SLC24A1: variants seen among roughly 807,000 people sequenced by gnomAD.
SLC24A1 encodes the protein solute carrier family 24 member 1, also known as sodium/potassium/calcium exchanger 1.
In SLC24A1, 52 loss-of-function variants were observed where a neutral mutation model predicts 88.1. The ratio of observed to expected loss-of-function variants is 0.59; its 90% confidence interval spans 0.47 to 0.74. The LOEUF (loss-of-function observed/expected upper bound fraction) is 0.74. Among genes scored for constraint, SLC24A1 ranks in the 30% least tolerant of loss-of-function variants. The pLI, the probability that SLC24A1 is intolerant of heterozygous loss-of-function variation, is 0.00. For synonymous variants in SLC24A1, 455 were observed against 498.0 expected (o/e 0.91, Z 1.15); for missense variants, 1,173 against 1,363.3 (o/e 0.86, Z 2.20).
chr15:65,641,763 C>CA (rs2075138095), intron 4 of SLC24A1, among the ~76,000 whole-genome samples: 1 of 152,222 alleles, frequency 6.6e-6, no homozygotes, highest in Admixed American at 6.5e-5. Context: ...GAATCACTGA[C>CA]TCTAGCAAAG....
chr15:65,633,170 T>G (rs886643477), intron 2 of SLC24A1, among the ~76,000 whole-genome samples: 1 of 152,134 alleles, frequency 6.6e-6, no homozygotes, highest in African/African-American at 2.4e-5. Context: ...AATAAGAGAC[T>G]GTAGCCACCA....
chr15:65,649,849 T>C (rs1335805027), intron 6 of SLC24A1, among the ~76,000 whole-genome samples: 1 of 152,208 alleles, frequency 6.6e-6, no homozygotes, highest in Non-Finnish European at 1.5e-5. Context: ...AAACATTGTA[T>C]CTAAGACAAG....
chr15:65,634,023 T>A lies in SLC24A1; in HGVS notation c.1891-4105T>A, dbSNP rs542285643. Among the ~76,000 whole-genome samples, 5 of 152,018 alleles carry A rather than the reference T, an allele frequency of 3.3e-5. No homozygotes were observed. The South Asian group carries it at 1.0e-3, about 32-fold the overall frequency. ...GAAAGAGGTCTGACAGCTAATTGGG[T>A]GTGGGCTGTGAGGGAGAGGGAGGAA... On this transcript the variant is annotated intron_variant, in intron 2 of 9. Coordinates refer to ENST00000261892, the MANE Select transcript of SLC24A1 (RefSeq NM_004727.3).
At chr15:65,635,446 C>CAAAAAAAAAAAAAAA (rs56960432) in intron 2 of SLC24A1, among the ~76,000 whole-genome samples, 134 of 58,270 alleles carry the variant, frequency 2.3e-3, no homozygotes, top group African/African-American at 4.0e-3. Context: ...ACTCCGTCTC[C>CAAAAAAAAAAAAAAA]AAAAAAAAAA....
At chr15:65,643,017 T>C (rs1311349406) in intron 4 of SLC24A1, 1 of 1,289,370 alleles carries the variant, frequency 7.8e-7, no homozygotes, top group East Asian at 5.5e-5. Flanking sequence ...GTAGGACAGC[T>C]GCTCTCAACT....
At chr15:65,649,776 G>A (rs1490111965) in intron 6 of SLC24A1, among the ~76,000 whole-genome samples, 1 of 152,200 alleles carries the variant, frequency 6.6e-6, no homozygotes, top group East Asian at 1.9e-4. Flanking sequence ...AGGAGTTTTA[G>A]TAGACTCAGC....
chr15:65,648,043 G>A (rs1467942482), intron 6 of SLC24A1, among the ~76,000 whole-genome samples: 3 of 152,104 alleles, frequency 2.0e-5, no homozygotes, highest in Non-Finnish European at 4.4e-5. Context: ...GGCGGATCAC[G>A]AGCTCAGGAG....
At chr15:65,645,991 A>C (rs1278461831) in intron 6 of SLC24A1, among the ~76,000 whole-genome samples, 1 of 152,208 alleles carries the variant, frequency 6.6e-6, no homozygotes, top group African/African-American at 2.4e-5. Context: ...GTCAGCAACT[A>C]GGTGACAGTG....
At chr15:65,615,206 A>G (rs2074097979) in intron 2 of SLC24A1, among the ~76,000 whole-genome samples, 1 of 151,922 alleles carries the variant, frequency 6.6e-6, no homozygotes, top group African/African-American at 2.4e-5. Context: ...TCTTATCTCT[A>G]AAAACAAACA....
At chr15:65,660,331 C>A, downstream of SLC24A1, 1 of 1,532,674 alleles carries the variant, frequency 6.5e-7, no homozygotes, top group Non-Finnish European at 8.7e-7. Flanking sequence ...ATGGTGTGAA[C>A]TCAAAAGGTG....
At position 65,623,997 on chromosome 15, in the gene SLC24A1, T is replaced by A; in HGVS notation, c.-84T>A. 1 of 1,304,350 alleles carries A rather than the reference T, an allele frequency of 7.7e-7. No individual in the cohort carries two copies. Among genetic ancestry groups the A allele is most frequent in the Non-Finnish European group, 1.1e-6 (1 of 944,822 alleles). The allele number at this position is 1,304,350 out of a possible 1,614,324, so 80.8% of individuals were successfully genotyped here. On this transcript the variant is annotated 5_prime_UTR_variant, in exon 2 of 10. Coordinates refer to ENST00000261892, the MANE Select transcript of SLC24A1 (RefSeq NM_004727.3). ...GGCTGGGCTTCATGGAGAAATCTTC[T>A]CTGATCACCAACCTGAATCCCAGAG... is the stretch of plus-strand genomic sequence containing the variant.
At position 65,645,620 on chromosome 15, in the gene SLC24A1, C is replaced by A; in HGVS notation, c.2149C>A (p.Pro717Thr). The change falls in exon 6 of 10, where the codon CCA (proline) becomes ACA (threonine). Residue 717 changes from proline (P) to threonine (T), a missense_variant. Coordinates refer to ENST00000261892, the MANE Select transcript of SLC24A1 (RefSeq NM_004727.3). ...KAESKPEEEE[P>T]AKLPAVTVTP... ...ATGTTTATCCTTTAAAGAGGAGGAGCCAGCCAAGCTCCCTGCGGTCACGGT... is the reference window on the plus strand; with the variant it reads ...ATGTTTATCCTTTAAAGAGGAGGAGACAGCCAAGCTCCCTGCGGTCACGGT... 1 of 1,567,220 alleles carries A rather than the reference C, an allele frequency of 6.4e-7. No individual in the cohort carries two copies. Among genetic ancestry groups the A allele is most frequent in the Admixed American group, 1.9e-5 (1 of 52,976 alleles).
chr15:65,624,173 G>A lies in SLC24A1; in HGVS notation c.93G>A (p.Met31Ile), dbSNP rs2074416107. ...HWSRLLFLLG[M>I]LIIGSTYQHL... The stretch of plus-strand genomic sequence containing the variant: ...GTCGCCTCCTCTTCTTACTGGGAAT[G>A]TTGATCATCGGTTCTACTTATCAGC... Residue 31 changes from methionine (M) to isoleucine (I), a missense_variant, in exon 2 of 10, where the codon ATG becomes ATA. Transcript: ENST00000261892. 11 of 1,613,886 alleles carry A rather than the reference G, an allele frequency of 6.8e-6. No homozygotes were observed. Among genetic ancestry groups the A allele is most frequent in the Non-Finnish European group, 9.3e-6 (11 of 1,179,868 alleles).
At position 65,650,533 on chromosome 15, in the gene SLC24A1, A is replaced by G; in HGVS notation, c.2384A>G (p.Glu795Gly). 3 of 1,551,906 alleles carry G rather than the reference A, an allele frequency of 1.9e-6. No homozygotes were observed. The highest frequency in any genetic ancestry group is 2.6e-6 in the Non-Finnish European group (3 of 1,147,040). ...TETQGKGEECEDENEAEGKGD... is the reference protein window; with the variant it reads ...TETQGKGEECGDENEAEGKGD... ...ACACAAGGAAAAGGAGAAGAATGTGAAGATGAAAATGAAGCAGAAGGAAAA... is the reference window on the plus strand; with the variant it reads ...ACACAAGGAAAAGGAGAAGAATGTGGAGATGAAAATGAAGCAGAAGGAAAA... Residue 795 changes from glutamate to glycine, a missense_variant, in exon 7 of 10, where the codon GAA (glutamate) becomes GGA (glycine). Glu to Gly is a moderately conservative substitution (Grantham distance 98). Coordinates refer to ENST00000261892, the MANE Select transcript of SLC24A1 (RefSeq NM_004727.3). This position sits in a 1 kb window ranked among gnomAD's most constrained non-coding sequence, Gnocchi z 4.1.
At chr15:65,636,901 C>A in intron 2 of SLC24A1, among the ~76,000 whole-genome samples, 1 of 135,218 alleles carries the variant, frequency 7.4e-6, no homozygotes. Flanking sequence ...AATAGTAATC[C>A]CAAAAGCACT....
chr15:65,611,373 C>G (rs139286812), upstream of SLC24A1: 5 of 604,474 alleles, frequency 8.3e-6, no homozygotes, highest in Non-Finnish European at 1.5e-5. Flanking sequence ...TTCTCTCGAG[C>G]CTTGGCTGGG....
At chr15:65,615,962 G>A (rs1199796000) in intron 2 of SLC24A1, among the ~76,000 whole-genome samples, 2 of 142,162 alleles carry the variant, frequency 1.4e-5, no homozygotes, top group African/African-American at 2.6e-5. Context: ...CCCACCTATC[G>A]GTGAGAACAT....
In SLC24A1 at chr15:65,625,772, C is replaced by T. The variant is rs777440693; in HGVS notation, c.1692C>T (p.Phe564=). The T allele has an allele frequency of 7.4e-6, 12 of 1,613,952 alleles. No homozygotes were observed. The highest frequency in any genetic ancestry group is 1.0e-5 in the Non-Finnish European group (12 of 1,179,914). Residue 564 remains phenylalanine (F), a synonymous_variant, in exon 2 of 10, where the codon TTC becomes TTT. Transcript: ENST00000261892. ...GGCCCTTATTCCGTGATGTCTCCTT[C>T]TACATCCTTGACCTGATAATGCTCA... ...TWWPLFRDVS[F]YILDLIMLIL...
intron 6 of SLC24A1, among the ~76,000 whole-genome samples, chr15:65,648,443 C>T (rs960466604): frequency 3.3e-5 from 5 of 152,042 alleles, no homozygotes; most frequent in African/African-American, 1.2e-4. Context: ...TAGCTGGTTG[C>T]CTAATCTGAG....
Sources: allele counts gnomAD v4.1 joint callset (sites outside exome capture counted in the v4.1 genomes callset), GRCh38; gene constraint gnomAD v4.1.1; non-coding constraint Gnocchi (gnomAD v3.1); transcripts MANE v1.5; gene names NCBI Gene and HGNC (gene_info 2026-07-23, HGNC 2026-07-21).